Variants in PCDHGA2 observed in about 807,000 individuals in gnomAD.
The protein encoded by PCDHGA2 is protocadherin gamma-A2.
PCDHGA2 carries 40 observed loss-of-function variants against 59.2 expected under a neutral mutation model. The observed-to-expected ratio is 0.68, with a 90% CI of 0.52 to 0.88. The LOEUF (loss-of-function observed/expected upper bound fraction) is 0.88. Ranked by LOEUF, PCDHGA2 falls within the 40% of genes least tolerant of loss-of-function variation. The pLI, the probability that PCDHGA2 is intolerant of heterozygous loss-of-function variation, is 0.00. For synonymous variants in PCDHGA2, 560 were observed against 526.0 expected, an observed-to-expected ratio of 1.06 and a Z score of -0.89; for missense variants, 1,226 against 1,204.0, an observed-to-expected ratio of 1.02 and a Z score of -0.27.
chr5:141,423,996 A>G (rs1164307988), intron 1 of PCDHGA2: 1 of 1,079,028 alleles, frequency 9.3e-7, no homozygotes, highest in African/African-American at 1.7e-5. Context: ...AATTTATTAT[A>G]TATAGATACA....
At chr5:141,362,768 A>G (rs916897514) in intron 1 of PCDHGA2, 6 of 614,256 alleles carry the variant, frequency 9.8e-6, no homozygotes, top group Middle Eastern at 4.4e-4. Context: ...CACATGAGAT[A>G]TTGCACTGTA....
intron 2 of PCDHGA2, among the ~76,000 whole-genome samples, chr5:141,502,828 G>T (rs928458403): frequency 6.6e-6 from 1 of 150,704 alleles, no homozygotes; most frequent in Non-Finnish European, 1.5e-5. Context: ...CCTTGGGGAA[G>T]CCTGGACTGG....
chr5:141,392,488 T>G, intron 1 of PCDHGA2: 1 of 203,312 alleles, frequency 4.9e-6, no homozygotes, highest in Non-Finnish European at 9.8e-6. Flanking sequence ...AACAAAGTAA[T>G]AAGCAAATGA....
At chr5:141,398,256 G>C in intron 1 of PCDHGA2, 3 of 1,460,296 alleles carry the variant, frequency 2.1e-6, no homozygotes, top group Non-Finnish European at 9.3e-7. Flanking sequence ...AAATGCCCAA[G>C]GGCTCCGTAG....
At chr5:141,471,926 G>T (rs2099266798) in intron 1 of PCDHGA2, among the ~76,000 whole-genome samples, 1 of 152,110 alleles carries the variant, frequency 6.6e-6, no homozygotes, top group African/African-American at 2.4e-5. Flanking sequence ...AATTTTGGGG[G>T]TGATGAGAGT....
chr5:141,481,897 G>A (rs916673176), intron 1 of PCDHGA2, among the ~76,000 whole-genome samples: 3 of 128,712 alleles, frequency 2.3e-5, no homozygotes, highest in South Asian at 5.0e-4. Context: ...CTGGGTGAAA[G>A]AGCGAAACTC....
chr5:141,366,657 C>T, intron 1 of PCDHGA2: 1 of 1,614,248 alleles, frequency 6.2e-7, no homozygotes. Flanking sequence ...CCCAACTACG[C>T]AGACACGCTC....
intron 2 of PCDHGA2, among the ~76,000 whole-genome samples, chr5:141,497,621 C>T (rs769483223): frequency 7.3e-5 from 11 of 151,482 alleles, no homozygotes; most frequent in Non-Finnish European, 1.3e-4. Flanking sequence ...CTCACTGCAA[C>T]CTCTGCCTGC....
intron 1 of PCDHGA2, chr5:141,366,625 G>C: frequency 6.2e-7 from 1 of 1,614,274 alleles, no homozygotes; most frequent in Non-Finnish European, 8.5e-7. Flanking sequence ...ACTCGAGGAA[G>C]AGTCACCTGA....
Position 141,339,231 on chromosome 5 carries a change from C to A in PCDHGA2, c.260C>A (p.Ala87Glu), listed in dbSNP as rs370664976. 2.3e-5 allele frequency: 37 copies of A among 1,614,038 alleles called. No individual in the cohort carries two copies. Among genetic ancestry groups the A allele is most frequent in the African/African-American group, 4.0e-5 (3 of 74,930 alleles). ...CCGCGAAGCGGCAGCTTGGTCACTG[C>A]GAACAGGATAGACCGGGAGGAGCTC... is the stretch of plus-strand genomic sequence containing the variant. ...LNPRSGSLVT[A>E]NRIDREELCA... Residue 87 changes from alanine to glutamate, a missense_variant, in exon 1 of 4, where the codon GCG becomes GAG. Physicochemically the swap from Ala to Glu is moderately radical, Grantham distance 107. Transcript: ENST00000394576.
chr5:141,476,726 C>T lies in PCDHGA2; in HGVS notation c.2425-18081C>T. On this transcript the variant is annotated intron_variant, in intron 1 of 3. Coordinates refer to ENST00000394576, the MANE Select transcript of PCDHGA2 (RefSeq NM_018915.4). This position sits in a 1 kb window ranked among gnomAD's most constrained non-coding sequence, Gnocchi z 7.6. ...GCTGGTGTTGGAGCGCGCCCTGGAC[C>T]GAGAACGGGAGCCTAGTCTCCAGTT... The T allele has an allele frequency of 6.2e-7, 1 of 1,614,116 alleles. No homozygotes were observed. The highest frequency in any genetic ancestry group is 8.5e-7 in the Non-Finnish European group (1 of 1,180,028).
At chr5:141,417,693 A>T in intron 1 of PCDHGA2, 1 of 1,091,256 alleles carries the variant, frequency 9.2e-7, no homozygotes, top group Non-Finnish European at 1.3e-6. Context: ...AAAGAAAACC[A>T]GCTCCCACAC....
Position 141,486,087 on chromosome 5 carries a change from T to G in PCDHGA2, c.2425-8720T>G. 4 of 1,614,176 alleles carry G rather than the reference T, an allele frequency of 2.5e-6. No individual in the cohort carries two copies. The highest frequency in any genetic ancestry group is 3.4e-6 in the Non-Finnish European group (4 of 1,180,028). ...CCCACTACTGGAAAGCTTACTCTTT[T>G]GGGGCCCCTAGACTTTGAGAGTGAG... On this transcript the variant is annotated intron_variant, in intron 1 of 3. Coordinates refer to ENST00000394576, the MANE Select transcript of PCDHGA2 (RefSeq NM_018915.4). This position sits in a 1 kb window ranked among gnomAD's most constrained non-coding sequence, Gnocchi z 5.0.
At position 141,379,889 on chromosome 5, in the gene PCDHGA2, CTTTTTTTTTTTTTT is replaced by C. The variant is rs70988800; in HGVS notation, c.2424+38511_2424+38524del. Among the ~76,000 whole-genome samples, 12 of 50,834 alleles carry C rather than the reference CTTTTTTTTTTTTTT, an allele frequency of 2.4e-4. 1 individual carries two copies. In the South Asian group the frequency reaches 3.7e-3, roughly 16 times the overall value. The allele number at this position is 50,834 out of a possible 152,430, so 33.3% of individuals were successfully genotyped here. Reference sequence around the variant, plus strand: ...CTTATTTTATGGTCTGTGAAAGCCTCTTTTTTTTTTTTTTTTTTTTTTTTTTTTTTGTCAGAGTC... The same window carrying C: ...CTTATTTTATGGTCTGTGAAAGCCTCTTTTTTTTTTTTTTTTGTCAGAGTC... On this transcript the variant is annotated intron_variant, in intron 1 of 3. Coordinates refer to ENST00000394576, the MANE Select transcript of PCDHGA2 (RefSeq NM_018915.4).
Position 141,341,381 on chromosome 5 carries a change from G to C in PCDHGA2, c.2410G>C (p.Glu804Gln), listed in dbSNP as rs762378023. ...PQSLLEEERE[E>Q]TFSQQAPPNT... ...ATCTCTACTCGAAGAAGAAAGAGAA[G>C]AAACGTTTTCTCAGGTAATCTATCT... Residue 804 changes from glutamate (E) to glutamine (Q), a missense_variant, in exon 1 of 4, where the codon GAA becomes CAA. Glu to Gln is a conservative substitution (Grantham distance 29, BLOSUM62 2). Transcript: ENST00000394576. The C allele has an allele frequency of 1.2e-6, 2 of 1,614,234 alleles. No individual in the cohort carries two copies. Among genetic ancestry groups the C allele is most frequent in the Non-Finnish European group, 1.7e-6 (2 of 1,180,040 alleles).
In PCDHGA2 at chr5:141,388,498, A is replaced by G. The variant is rs1025242684; in HGVS notation, c.2424+47103A>G. The G allele has an allele frequency of 9.9e-6, 16 of 1,613,748 alleles. No homozygotes were observed. Among genetic ancestry groups the G allele is most frequent in the Admixed American group, 1.7e-5 (1 of 60,004 alleles). ...AAGACACCTTTGGACAGAGAAAAGCAGAAATCCTACCACTTGACTTTGACT... is the reference window on the plus strand; with the variant it reads ...AAGACACCTTTGGACAGAGAAAAGCGGAAATCCTACCACTTGACTTTGACT... On this transcript the variant is annotated intron_variant, in intron 1 of 3. Transcript: ENST00000394576.
intron 1 of PCDHGA2, chr5:141,345,936 A>G: frequency 6.2e-7 from 1 of 1,613,516 alleles, no homozygotes; most frequent in Non-Finnish European, 8.5e-7. Context: ...CCTGCTGGAC[A>G]GAGACGCGCT....
intron 1 of PCDHGA2, among the ~76,000 whole-genome samples, chr5:141,456,917 C>G (rs1005360691): frequency 2.6e-5 from 4 of 152,032 alleles, no homozygotes; most frequent in Non-Finnish European, 5.9e-5. Context: ...GAGCCGAGAT[C>G]GCACCACTGC....
intron 1 of PCDHGA2, chr5:141,374,626 C>G (rs748933501): frequency 9.9e-6 from 16 of 1,613,226 alleles, no homozygotes; most frequent in Admixed American, 1.7e-5. Context: ...TCTCAGTGGA[C>G]GTGCAAAGCG....
Sources: gnomAD v4.1 joint callset for allele counts (sites outside exome capture counted in the v4.1 genomes callset) on GRCh38, gnomAD v4.1.1 for gene constraint, Gnocchi (gnomAD v3.1) non-coding constraint, MANE v1.5 for transcripts, NCBI Gene and HGNC (gene_info 2026-07-23, HGNC 2026-07-21) for gene names.